Variants in NEMP2 observed in about 807,000 individuals in gnomAD.
NEMP2 encodes UPF0571 transmembrane protein.
A neutral mutation model predicts 54.2 loss-of-function variants in NEMP2; 53 were observed. The ratio of observed to expected loss-of-function variants is 0.98; its 90% CI spans 0.78 to 1.23. The LOEUF is 1.23. Ranked by LOEUF, NEMP2 falls within the 50% of genes most tolerant of loss-of-function variation. The pLI is 0.00. For missense variants in NEMP2, 455 were observed against 511.3 expected (o/e 0.89, Z 1.06); for synonymous variants, 197 against 190.3 (o/e 1.04, Z -0.29).
At chr2:190,454,513 G>A in the NEMP2 span, 2,085 of 152,192 alleles carry the variant, frequency 0.014, 22 homozygotes, top group Middle Eastern at 0.034. The surrounding 1 kb of genome is among the most constrained non-coding windows in gnomAD (Gnocchi z 4.6). Context: ...GCTTGTGTAC[G>A]ACTCTTTTTC....
chr2:190,513,690 T>G lies in NEMP2; in HGVS notation c.953+763A>C, dbSNP rs1275163591. Among the ~76,000 whole-genome samples, 1 of 152,208 alleles carries G rather than the reference T, an allele frequency of 6.6e-6. No individual in the cohort carries two copies. Among genetic ancestry groups the G allele is most frequent in the East Asian group, 1.9e-4 (1 of 5,204 alleles). On this transcript the variant is annotated intron_variant, in intron 7 of 8. Transcript: ENST00000409150. The surrounding 1 kb of genome is among the most constrained non-coding windows in gnomAD (Gnocchi z 5.3). ...GGCTTTCTCTCCATCAGGAAAGCCCTCCGCATTTATTCGTCTGGTTATTTT... is the reference window on the plus strand; with the variant it reads ...GGCTTTCTCTCCATCAGGAAAGCCCGCCGCATTTATTCGTCTGGTTATTTT...
At chr2:190,554,778 G>T in the NEMP2 span, among the ~76,000 whole-genome samples, 318 of 152,346 alleles carry the variant, frequency 2.1e-3, 1 homozygote, top group Non-Finnish European at 3.4e-3. This position sits in a 1 kb window ranked among gnomAD's most constrained non-coding sequence, Gnocchi z 5.7. Flanking sequence ...AGAGAGCAGT[G>T]GATCTCACAG....
At chr2:190,572,913 A>G in the NEMP2 span, among the ~76,000 whole-genome samples, 1 of 139,132 alleles carries the variant, frequency 7.2e-6, no homozygotes, top group South Asian at 2.3e-4. Context: ...TTCCCTTAGG[A>G]TGAATTCCCA....
chr2:190,492,654 A>G, the NEMP2 span, among the ~76,000 whole-genome samples: 1 of 152,192 alleles, frequency 6.6e-6, no homozygotes, highest in South Asian at 2.1e-4. This position sits in a 1 kb window ranked among gnomAD's most constrained non-coding sequence, Gnocchi z 5.2. Context: ...CAATGCTAAC[A>G]AAACAAAACA....
the NEMP2 span, among the ~76,000 whole-genome samples, chr2:190,449,578 C>G: frequency 6.6e-6 from 1 of 152,044 alleles, no homozygotes; most frequent in Non-Finnish European, 1.5e-5. Flanking sequence ...ATGTTTATTG[C>G]GGCACTATTC....
chr2:190,550,016 G>C, the NEMP2 span, among the ~76,000 whole-genome samples: 3 of 152,068 alleles, frequency 2.0e-5, no homozygotes. The surrounding 1 kb of genome is among the most constrained non-coding windows in gnomAD (Gnocchi z 4.7). Flanking sequence ...TGATCACACT[G>C]ATATTTCTAA....
chr2:190,432,245 G>A, the NEMP2 span, among the ~76,000 whole-genome samples: 1,669 of 152,292 alleles, frequency 0.011, 33 homozygotes, highest in African/African-American at 0.037. Context: ...TTCCTGCCTA[G>A]AGGATGGAAG....
chr2:190,425,593 T>C, the NEMP2 span, among the ~76,000 whole-genome samples: 2 of 152,210 alleles, frequency 1.3e-5, no homozygotes, highest in Non-Finnish European at 2.9e-5. This position sits in a 1 kb window ranked among gnomAD's most constrained non-coding sequence, Gnocchi z 4.3. Flanking sequence ...TTTTTCTGCA[T>C]TGATTGGTAA....
the NEMP2 span, among the ~76,000 whole-genome samples, chr2:190,596,332 G>A: frequency 6.6e-6 from 1 of 152,144 alleles, no homozygotes; most frequent in Non-Finnish European, 1.5e-5. The surrounding 1 kb of genome is among the most constrained non-coding windows in gnomAD (Gnocchi z 5.1). Context: ...AAACCACCAT[G>A]GCACGTGTAT....
At chr2:190,580,641 A>G in the NEMP2 span, among the ~76,000 whole-genome samples, 7 of 152,200 alleles carry the variant, frequency 4.6e-5, no homozygotes, top group African/African-American at 9.6e-5. This position sits in a 1 kb window ranked among gnomAD's most constrained non-coding sequence, Gnocchi z 5.3. Context: ...TAAGACTCCA[A>G]ATTTTCAAGA....
the NEMP2 span, chr2:190,488,813 AT>A: frequency 6.4e-7 from 1 of 1,563,216 alleles, no homozygotes; most frequent in East Asian, 2.3e-5. This position sits in a 1 kb window ranked among gnomAD's most constrained non-coding sequence, Gnocchi z 6.4. Flanking sequence ...TTAGTCAATT[AT>A]TTTGGTAAGA....
the NEMP2 span, among the ~76,000 whole-genome samples, chr2:190,575,482 T>C: frequency 1.1e-4 from 17 of 152,342 alleles, no homozygotes; most frequent in South Asian, 2.1e-4. Context: ...TCTCTTTCAT[T>C]TTCTCTTTTG....
At chr2:190,630,008 G>A in the NEMP2 span, among the ~76,000 whole-genome samples, 1 of 152,220 alleles carries the variant, frequency 6.6e-6, no homozygotes, top group South Asian at 2.1e-4. This position sits in a 1 kb window ranked among gnomAD's most constrained non-coding sequence, Gnocchi z 5.5. Flanking sequence ...CAAAGCACAA[G>A]CAGACCATCA....
At chr2:190,469,109 G>A in the NEMP2 span, among the ~76,000 whole-genome samples, 1 of 152,130 alleles carries the variant, frequency 6.6e-6, no homozygotes, top group South Asian at 2.1e-4. The surrounding 1 kb of genome is among the most constrained non-coding windows in gnomAD (Gnocchi z 5.3). Context: ...AGAGGTTGGT[G>A]TATATTTATT....
chr2:190,570,696 A>G, the NEMP2 span, among the ~76,000 whole-genome samples: 2 of 152,208 alleles, frequency 1.3e-5, no homozygotes, highest in Non-Finnish European at 2.9e-5. This position sits in a 1 kb window ranked among gnomAD's most constrained non-coding sequence, Gnocchi z 5.4. Flanking sequence ...CTCCCTAGTC[A>G]CATGTCCACA....
chr2:190,584,352 C>G, the NEMP2 span, among the ~76,000 whole-genome samples: 1 of 152,076 alleles, frequency 6.6e-6, no homozygotes, highest in South Asian at 2.1e-4. The surrounding 1 kb of genome is among the most constrained non-coding windows in gnomAD (Gnocchi z 4.2). Context: ...AAAAATCCAC[C>G]ATAGCTCCCT....
chr2:190,620,580 A>G, the NEMP2 span, among the ~76,000 whole-genome samples: 2 of 152,252 alleles, frequency 1.3e-5, no homozygotes, highest in African/African-American at 4.8e-5. The surrounding 1 kb of genome is among the most constrained non-coding windows in gnomAD (Gnocchi z 4.9). Flanking sequence ...AGCCCTGACC[A>G]TGAATGGCAT....
the NEMP2 span, among the ~76,000 whole-genome samples, chr2:190,572,867 A>ATATATATATATATATATATATATATATT: frequency 7.9e-6 from 1 of 126,004 alleles, no homozygotes; most frequent in Non-Finnish European, 1.7e-5. Context: ...ATATATATAT[A>ATATATATATATATATATATATATATATT]TATATATATG....
the NEMP2 span, among the ~76,000 whole-genome samples, chr2:190,613,606 G>T: frequency 2.7e-5 from 4 of 150,588 alleles, no homozygotes; most frequent in African/African-American, 9.8e-5. Flanking sequence ...ATTTTTTTTT[G>T]AGATGGAGTC....
Sources: allele counts gnomAD v4.1 joint callset (sites outside exome capture counted in the v4.1 genomes callset), GRCh38; gene constraint gnomAD v4.1.1; non-coding constraint Gnocchi (gnomAD v3.1); transcripts MANE v1.5; gene names NCBI Gene and HGNC (gene_info 2026-07-23, HGNC 2026-07-21).